The following SNX25 variants were observed in gnomAD, a reference collection of about 807,000 sequenced individuals.
The protein encoded by SNX25 is sorting nexin 25, also known as sorting nexin-25.
In SNX25, 62 loss-of-function variants were observed where a neutral mutation model predicts 113.7. The ratio of observed to expected loss-of-function variants is 0.55; its 90% confidence interval spans 0.44 to 0.67. The LOEUF is 0.67. Among genes scored for constraint, SNX25 ranks in the 30% least tolerant of loss-of-function variants. The pLI, the probability that SNX25 is intolerant of heterozygous loss-of-function variation, is 0.00. For synonymous variants in SNX25, 421 were observed against 436.2 expected (o/e 0.97, Z 0.43); for missense variants, 1,014 against 1,161.0 (o/e 0.87, Z 1.84).
chr4:185,292,501 C>T (rs1240811727), intron 6 of SNX25, among the ~76,000 whole-genome samples: 4 of 152,144 alleles, frequency 2.6e-5, no homozygotes, highest in African/African-American at 4.8e-5. Context: ...CAAATTCAAG[C>T]GATTCTCCTG....
intron 2 of SNX25, among the ~76,000 whole-genome samples, chr4:185,250,670 C>G (rs1246537401): frequency 6.6e-6 from 1 of 151,280 alleles, no homozygotes; most frequent in African/African-American, 2.4e-5. Context: ...TTTGGTTGCT[C>G]TCAGTGCTTT....
At position 185,363,909 on chromosome 4, in the gene SNX25, T is replaced by G. The variant is rs1157043666; in HGVS notation, c.*444T>G. On this transcript the variant is annotated 3_prime_UTR_variant, in exon 19 of 19. Coordinates refer to ENST00000652585, the MANE Select transcript of SNX25 (RefSeq NM_001378034.2). The surrounding 1 kb of genome is among the most constrained non-coding windows in gnomAD (Gnocchi z 4.2). The stretch of plus-strand genomic sequence containing the variant: ...TATTGTGAAGATTTTATTGTCTTTA[T>G]TTTTACCAAAGATTTCCCATAGTTT... 6.5e-6 allele frequency: 1 copy of G among 153,664 alleles called. No individual in the cohort carries two copies. The highest frequency in any genetic ancestry group is 1.9e-4 in the East Asian group (1 of 5,234). 9.5% of individuals were successfully genotyped at this position (153,664 alleles called of 1,614,324 possible).
intron 15 of SNX25, among the ~76,000 whole-genome samples, chr4:185,356,038 A>G (rs182494664): frequency 1.3e-5 from 2 of 152,092 alleles, no homozygotes; most frequent in African/African-American, 4.8e-5. Flanking sequence ...AATAAATAGA[A>G]CCTCATATAT....
intron 1 of SNX25, among the ~76,000 whole-genome samples, chr4:185,220,122 A>C (rs1435049747): frequency 6.6e-6 from 1 of 152,086 alleles, no homozygotes; most frequent in Non-Finnish European, 1.5e-5. Context: ...TAAGAGATTT[A>C]TTCCTGAGGT....
At chr4:185,205,775 G>A (rs1179482123), upstream of SNX25, among the ~76,000 whole-genome samples, 1 of 152,230 alleles carries the variant, frequency 6.6e-6, no homozygotes, top group East Asian at 1.9e-4. Context: ...GTTGCAGTAA[G>A]CTGAGATCAC....
chr4:185,247,482 AG>A lies in SNX25; in HGVS notation c.514+105del, dbSNP rs1262647670. ...AAATTTATTCTTCTTGTCTGCATGT[AG>A]TGTTAGGAATTTTTTCTTCATGAGT... On this transcript the variant is annotated intron_variant, in intron 2 of 18. Transcript: ENST00000652585. 4 of 874,964 alleles carry A rather than the reference AG, an allele frequency of 4.6e-6. No individual in the cohort carries two copies. The African/African-American group carries it at 6.8e-5, about 15-fold the overall frequency. 54.2% of individuals were successfully genotyped at this position (874,964 alleles called of 1,614,324 possible).
intron 1 of SNX25, among the ~76,000 whole-genome samples, chr4:185,244,252 C>T (rs1323177854): frequency 1.3e-5 from 2 of 152,242 alleles, no homozygotes; most frequent in Non-Finnish European, 1.5e-5. Flanking sequence ...CTCTGCCTCC[C>T]GAAGTGCTGG....
At chr4:185,295,867 T>C (rs1458744082) in intron 6 of SNX25, 1 of 152,228 alleles carries the variant, frequency 6.6e-6, no homozygotes, top group Non-Finnish European at 1.5e-5. Context: ...ATTACCTGAT[T>C]GTTAACTCTC....
chr4:185,267,635 G>A (rs1748322225), intron 5 of SNX25, among the ~76,000 whole-genome samples: 1 of 151,880 alleles, frequency 6.6e-6, no homozygotes, highest in Non-Finnish European at 1.5e-5. Context: ...GGAGGCTGAG[G>A]TATGAGAATC....
chr4:185,270,079 CAA>C lies in SNX25; in HGVS notation c.1091+2941_1091+2942del, dbSNP rs35691426. On this transcript the variant is annotated intron_variant, in intron 5 of 18. Coordinates refer to ENST00000652585, the MANE Select transcript of SNX25 (RefSeq NM_001378034.2). The stretch of plus-strand genomic sequence containing the variant: ...TCATCTGGTAGACAAAGAAGTAGCT[CAA>C]AAAAAAAAAAAAAAAATCCCAGCAC... Among the ~76,000 whole-genome samples, 338 of 123,422 alleles carry C rather than the reference CAA, an allele frequency of 2.7e-3. 2 individuals are homozygous for C. The highest frequency in any genetic ancestry group is 4.7e-3 in the Middle Eastern group (1 of 214). 81.0% of individuals were successfully genotyped at this position (123,422 alleles called of 152,430 possible).
intron 5 of SNX25, among the ~76,000 whole-genome samples, chr4:185,287,677 G>C (rs1238625570): frequency 2.6e-5 from 4 of 152,204 alleles, no homozygotes; most frequent in African/African-American, 9.6e-5. Context: ...GTAAGAAGTA[G>C]AATCAGCTAG....
chr4:185,342,594 G>A (rs534653207), intron 12 of SNX25, among the ~76,000 whole-genome samples: 40 of 150,088 alleles, frequency 2.7e-4, no homozygotes, highest in African/African-American at 9.1e-4. Context: ...GCAGTAAGGC[G>A]CGGTGCTTGG....
chr4:185,345,252 C>G (rs1281442978), intron 12 of SNX25, among the ~76,000 whole-genome samples: 2 of 152,208 alleles, frequency 1.3e-5, no homozygotes, highest in East Asian at 1.9e-4. Flanking sequence ...TTGTGAGAAC[C>G]CTTCCTGTCG....
rs553866924 is a variant in SNX25 at position 185,334,104 on chromosome 4, C to T, written c.1914+1345C>T. Among the ~76,000 whole-genome samples, 14 of 151,006 alleles carry T rather than the reference C, an allele frequency of 9.3e-5. No individual in the cohort carries two copies. Among genetic ancestry groups the T allele is most frequent in the South Asian group, 2.1e-4 (1 of 4,770 alleles). ...CTGTAATCCCAGCACTTTAGGAGGC[C>T]GAGGCGGGTGGATCACTTGAGGTCA... is the stretch of plus-strand genomic sequence containing the variant. On this transcript the variant is annotated intron_variant, in intron 10 of 18. Transcript: ENST00000652585. This position sits in a 1 kb window ranked among gnomAD's most constrained non-coding sequence, Gnocchi z 4.2.
chr4:185,374,002 G>A (rs2095424756), downstream of SNX25: 8 of 737,292 alleles, frequency 1.1e-5, no homozygotes, highest in South Asian at 1.6e-4. Context: ...ATCCTAAAAT[G>A]TATGCTTTCT....
chr4:185,310,504 T>C, intron 6 of SNX25, 131 bp from the exon 7 acceptor site: 1 of 591,972 alleles, frequency 1.7e-6, no homozygotes. Flanking sequence ...TATCATGGAT[T>C]CTGTTCTGTT....
intron 2 of SNX25, among the ~76,000 whole-genome samples, chr4:185,251,383 A>G (rs937853991): frequency 5.3e-5 from 8 of 152,166 alleles, no homozygotes; most frequent in Admixed American, 5.2e-4. Flanking sequence ...CTCTTTACTT[A>G]TTAAGTGACA....
chr4:185,278,594 C>T (rs957919873), intron 5 of SNX25, among the ~76,000 whole-genome samples: 4 of 152,146 alleles, frequency 2.6e-5, no homozygotes, highest in African/African-American at 9.7e-5. Context: ...GGTAAATACA[C>T]TTTCAGATCC....
chr4:185,232,966 C>A lies in SNX25; in HGVS notation c.430-14328C>A, dbSNP rs181008479. ...ATGGTGGTATGGCTCATTAGCTACC[C>A]GATTATGAGTTTCCATCAAAAATAA... On this transcript the variant is annotated intron_variant, in intron 1 of 18. Transcript: ENST00000652585. The surrounding 1 kb of genome is among the most constrained non-coding windows in gnomAD (Gnocchi z 4.4). Among the ~76,000 whole-genome samples the A allele has an allele frequency of 4.3e-4, 66 of 152,138 alleles. No homozygotes were observed. The highest frequency in any genetic ancestry group is 8.5e-4 in the Admixed American group (13 of 15,266).
Sources: gnomAD v4.1 joint callset for allele counts (sites outside exome capture counted in the v4.1 genomes callset) on GRCh38, gnomAD v4.1.1 for gene constraint, Gnocchi (gnomAD v3.1) non-coding constraint, MANE v1.5 for transcripts, NCBI Gene and HGNC (gene_info 2026-07-23, HGNC 2026-07-21) for gene names.